Variants in CHD6 observed in about 807,000 individuals in gnomAD.
CHD6 encodes chromodomain helicase DNA binding protein 6.
In CHD6, 50 loss-of-function variants were observed where a neutral mutation model predicts 276.9. The observed-to-expected ratio is 0.18, with a 90% CI of 0.14 to 0.23. CHD6 has a LOEUF of 0.23. Ranked by LOEUF, CHD6 falls within the 10% of genes least tolerant of loss-of-function variation. The pLI is 1.00. For missense variants in CHD6, 2,564 were observed against 3,365.8 expected, an observed-to-expected ratio of 0.76 and a Z score of 5.89; for synonymous variants, 1,173 against 1,229.3, an observed-to-expected ratio of 0.95 and a Z score of 0.96.
chr20:41,552,020 A>C (rs1568696974), intron 1 of CHD6, among the ~76,000 whole-genome samples: 1 of 152,176 alleles, frequency 6.6e-6, no homozygotes, highest in African/African-American at 2.4e-5. Context: ...ATGACTTGTG[A>C]ACACCATAAA....
In CHD6 at chr20:41,468,887, G is replaced by T. The variant is rs553530843; in HGVS notation, c.2664+4435C>A. ...AAAATTAGCCAGGCATGGGGCTCATGACTATAACTCCAGCTATTCAGGAGG... is the reference window on the plus strand; with the variant it reads ...AAAATTAGCCAGGCATGGGGCTCATTACTATAACTCCAGCTATTCAGGAGG... On this transcript the variant is annotated intron_variant, in intron 17 of 36. Transcript: ENST00000373233. 1.5e-4 allele frequency among the ~76,000 whole-genome samples: 23 copies of T among 152,256 alleles called. 1 individual carries two copies. In the South Asian group the frequency reaches 4.8e-3, roughly 32 times the overall value.
Position 41,455,528 on chromosome 20 carries a change from C to CA in CHD6, c.3009+271dup, listed in dbSNP as rs561855466. Among the ~76,000 whole-genome samples the CA allele has an allele frequency of 1.4e-3, 218 of 152,330 alleles. 2 individuals carry two copies. The highest frequency in any genetic ancestry group is 5.1e-3 in the African/African-American group (212 of 41,582). On this transcript the variant is annotated intron_variant, in intron 19 of 36. Transcript: ENST00000373233. ...AAGGTTTCAGAGCAGTCCTTGCAAA[C>CA]AGAGCCAACTGAGAATAGGAGTGTT...
intron 27 of CHD6, among the ~76,000 whole-genome samples, chr20:41,432,160 C>CAAAAAAAAA (rs572447937): frequency 0.039 from 2,308 of 58,558 alleles, 116 homozygotes; most frequent in African/African-American, 0.095. Context: ...AACTCCGTCT[C>CAAAAAAAAA]AAAAAAAAAA....
At chr20:41,559,655 C>T (rs1209545718) in intron 1 of CHD6, among the ~76,000 whole-genome samples, 1 of 152,154 alleles carries the variant, frequency 6.6e-6, no homozygotes, top group Admixed American at 6.5e-5. Flanking sequence ...GGGTTCAATG[C>T]TGTCAATACC....
chr20:41,603,218 G>C (rs1351078030), intron 1 of CHD6, among the ~76,000 whole-genome samples: 2 of 151,946 alleles, frequency 1.3e-5, no homozygotes, highest in African/African-American at 4.8e-5. Flanking sequence ...CTGGGTGAGT[G>C]GCAGGTGCCA....
At chr20:41,543,753 T>C (rs371933788) in intron 2 of CHD6, among the ~76,000 whole-genome samples, 1 of 152,234 alleles carries the variant, frequency 6.6e-6, no homozygotes, top group African/African-American at 2.4e-5. Flanking sequence ...TTGTTAGCAG[T>C]AGACATATTT....
intron 1 of CHD6, among the ~76,000 whole-genome samples, chr20:41,609,848 CTTTTTTCTTTTTTTTTT>C (rs929937929): frequency 3.6e-5 from 5 of 140,630 alleles, no homozygotes; most frequent in African/African-American, 1.3e-4. Flanking sequence ...CTTTTTTTTT[CTTTTTTCTTTTTTTTTT>C]TTTTTTTTTG....
In CHD6 at chr20:41,457,385, T is replaced by C; in HGVS notation, c.2708A>G (p.Lys903Arg). ...ATTTCGAGTGATGAGGCGATACACC[T>C]TCACAGCTTTGCTCTGGCCTATGCG... ...CHRIGQSKAV[K>R]VYRLITRNSY... Residue 903 changes from lysine (K) to arginine (R), a missense_variant, in exon 18 of 37, where the codon AAG becomes AGG. Physicochemically the swap from Lys to Arg is conservative, Grantham distance 26. Transcript: ENST00000373233. The C allele has an allele frequency of 6.2e-7, 1 of 1,614,084 alleles. No individual in the cohort carries two copies. The highest frequency in any genetic ancestry group is 8.5e-7 in the Non-Finnish European group (1 of 1,179,978).
At position 41,403,923 on chromosome 20, in the gene CHD6, T is replaced by C. The variant is rs1490689666; in HGVS notation, c.*670A>G. On this transcript the variant is annotated 3_prime_UTR_variant, in exon 37 of 37. Transcript: ENST00000373233. ...ACTGGTGAGAGGGATGTATAGAAAA[T>C]AATGCCTAGTCAGTCAGTATTTCTT... The C allele has an allele frequency of 9.5e-7, 1 of 1,054,464 alleles. No individual in the cohort carries two copies. Among genetic ancestry groups the C allele is most frequent in the East Asian group, 5.3e-5 (1 of 18,784 alleles). The allele number at this position is 1,054,464 out of a possible 1,614,324, so 65.3% of individuals were successfully genotyped here. A position where few individuals can be genotyped will look rare whatever the true frequency, so the allele number is the denominator to read the frequency against.
At chr20:41,561,377 G>A (rs1015411039) in intron 1 of CHD6, among the ~76,000 whole-genome samples, 5 of 152,092 alleles carry the variant, frequency 3.3e-5, no homozygotes, top group African/African-American at 1.2e-4. Flanking sequence ...GGTTTTCTAT[G>A]AATCACTAAC....
At chr20:41,531,824 T>C (rs1211246161) in intron 3 of CHD6, among the ~76,000 whole-genome samples, 1 of 152,110 alleles carries the variant, frequency 6.6e-6, no homozygotes, top group African/African-American at 2.4e-5. Context: ...CACACACCAC[T>C]TAAAATGCAT....
intron 1 of CHD6, among the ~76,000 whole-genome samples, chr20:41,584,522 T>C (rs900861101): frequency 1.3e-5 from 2 of 152,130 alleles, no homozygotes; most frequent in East Asian, 3.8e-4. Flanking sequence ...GAGCAGAATA[T>C]ACATTCTTTT....
intron 1 of CHD6, among the ~76,000 whole-genome samples, chr20:41,562,270 C>T (rs912820749): frequency 6.6e-6 from 1 of 152,082 alleles, no homozygotes; most frequent in Non-Finnish European, 1.5e-5. Context: ...AAACTCATGT[C>T]AACTAACCAA....
At chr20:41,457,520 G>T in intron 17 of CHD6, 92 bp from the exon 18 acceptor site, 1 of 1,412,018 alleles carries the variant, frequency 7.1e-7, no homozygotes, top group Non-Finnish European at 9.6e-7. Flanking sequence ...GTCATGTGGT[G>T]TGAGTGGCCA....
intron 26 of CHD6, among the ~76,000 whole-genome samples, chr20:41,438,819 C>A (rs1387980349): frequency 1.3e-5 from 2 of 152,162 alleles, no homozygotes; most frequent in African/African-American, 2.4e-5. Context: ...GTCATATGGG[C>A]CTCTGTTAAC....
Position 41,405,002 on chromosome 20 carries a change from G to A in CHD6, c.7739C>T (p.Thr2580Ile). 3.7e-6 allele frequency: 6 copies of A among 1,614,230 alleles called. No individual in the cohort carries two copies. The highest frequency in any genetic ancestry group is 5.1e-6 in the Non-Finnish European group (6 of 1,180,050). Reference sequence around the variant, plus strand: ...AGGCTTGTCCTCAGCTAAAGTGTCTGTTTTCACATCATGGCTACTCGGCTT... The same window carrying A: ...AGGCTTGTCCTCAGCTAAAGTGTCTATTTTCACATCATGGCTACTCGGCTT... ...EDKPSSHDVK[T>I]DTLAEDKPGP... The change falls in exon 37 of 37, where the codon ACA (threonine) becomes ATA (isoleucine). Residue 2580 changes from threonine to isoleucine, a missense_variant. Physicochemically the swap from Thr to Ile is moderately conservative, Grantham distance 89. Transcript: ENST00000373233.
At chr20:41,436,203 C>T (rs1421448770) in intron 27 of CHD6, among the ~76,000 whole-genome samples, 3 of 152,086 alleles carry the variant, frequency 2.0e-5, no homozygotes, top group Non-Finnish European at 2.9e-5. Context: ...AGGCAAGAGA[C>T]ATAAACATTT....
intron 18 of CHD6, 114 bp downstream of exon 18, chr20:41,457,150 A>G: frequency 8.3e-7 from 1 of 1,208,694 alleles, no homozygotes; most frequent in Non-Finnish European, 1.2e-6. Context: ...TAATGATGTG[A>G]GGGCTGGCTC....
chr20:41,482,486 T>C, intron 16 of CHD6: 1 of 490,646 alleles, frequency 2.0e-6, no homozygotes, highest in East Asian at 5.7e-5. Flanking sequence ...GCAAACAGAA[T>C]GTTAAAGAAT....
Sources: allele counts gnomAD v4.1 joint callset (sites outside exome capture counted in the v4.1 genomes callset), GRCh38; gene constraint gnomAD v4.1.1; transcripts MANE v1.5; gene names NCBI Gene and HGNC (gene_info 2026-07-23, HGNC 2026-07-21).